MDGA2: variants seen among roughly 807,000 people sequenced by gnomAD.
The protein encoded by MDGA2 is MAM domain-containing glycosylphosphatidylinositol anchor protein 2.
In MDGA2, 40 loss-of-function variants were observed where a neutral mutation model predicts 117.8. That is an observed-to-expected ratio of 0.34 (90% CI 0.26 to 0.44). MDGA2 has a LOEUF of 0.44. MDGA2 is among the 20% of genes least tolerant of loss of function. The pLI, the probability that MDGA2 is intolerant of heterozygous loss-of-function variation, is 1.00. For missense variants in MDGA2, 1,123 were observed against 1,250.6 expected (o/e 0.90, Z 1.54); for synonymous variants, 452 against 439.0 (o/e 1.03, Z -0.37).
chr14:47,114,202 A>G (rs900627047), intron 5 of MDGA2, among the ~76,000 whole-genome samples: 11 of 152,166 alleles, frequency 7.2e-5, no homozygotes, highest in Admixed American at 7.2e-4. Context: ...ATACCAAAGG[A>G]ATACAGCTAA....
chr14:47,222,869 C>T (rs890834021), intron 2 of MDGA2, among the ~76,000 whole-genome samples: 2 of 152,070 alleles, frequency 1.3e-5, no homozygotes, highest in African/African-American at 2.4e-5. Flanking sequence ...ATCCAGAAGC[C>T]GATGAATAGA....
intron 1 of MDGA2, among the ~76,000 whole-genome samples, chr14:47,557,025 A>C (rs866886283): frequency 6.6e-6 from 1 of 152,222 alleles, no homozygotes; most frequent in South Asian, 2.1e-4. Flanking sequence ...CACTAGCCTC[A>C]GCAAGCTCCA....
intron 10 of MDGA2, among the ~76,000 whole-genome samples, chr14:46,898,458 G>A (rs904031231): frequency 2.0e-5 from 3 of 152,100 alleles, no homozygotes; most frequent in Non-Finnish European, 2.9e-5. Flanking sequence ...GTCTAATGGG[G>A]ATCACAAGAG....
At chr14:47,008,168 A>G (rs764769628) in intron 8 of MDGA2, among the ~76,000 whole-genome samples, 33 of 152,052 alleles carry the variant, frequency 2.2e-4, no homozygotes, top group Non-Finnish European at 4.3e-4. Flanking sequence ...CAGGGGACCT[A>G]TGTTTTAGAA....
intron 8 of MDGA2, among the ~76,000 whole-genome samples, chr14:47,024,230 T>C (rs2416012): frequency 0.36 from 54,494 of 152,098 alleles, 10,779 homozygotes; most frequent in East Asian, 0.6. Context: ...GAGCTTCAAG[T>C]GAGCACTTAA....
At chr14:47,466,024 T>C (rs1005028456) in intron 1 of MDGA2, among the ~76,000 whole-genome samples, 2 of 152,112 alleles carry the variant, frequency 1.3e-5, no homozygotes, top group Non-Finnish European at 2.9e-5. Context: ...TGTGGGAACA[T>C]GGATGGAGCT....
At chr14:47,168,848 T>C (rs574777304) in intron 3 of MDGA2, among the ~76,000 whole-genome samples, 1 of 152,214 alleles carries the variant, frequency 6.6e-6, no homozygotes, top group South Asian at 2.1e-4. Flanking sequence ...ACTAATTCAA[T>C]GATTTTTCTT....
intron 5 of MDGA2, among the ~76,000 whole-genome samples, chr14:47,113,109 G>C (rs1881134509): frequency 6.6e-6 from 1 of 151,976 alleles, no homozygotes; most frequent in African/African-American, 2.4e-5. Context: ...TTATAAATTT[G>C]CTTAAGTTCA....
intron 1 of MDGA2, among the ~76,000 whole-genome samples, chr14:47,574,123 G>C (rs1333616210): frequency 1.3e-5 from 2 of 152,122 alleles, no homozygotes; most frequent in Admixed American, 1.3e-4. Context: ...GTGGATCGTG[G>C]CTTTTTTTAC....
intron 2 of MDGA2, among the ~76,000 whole-genome samples, chr14:47,221,950 G>T (rs906125306): frequency 6.6e-6 from 1 of 151,436 alleles, no homozygotes; most frequent in African/African-American, 2.4e-5. Context: ...AATTTTTTTT[G>T]TGGTGAAACA....
intron 1 of MDGA2, among the ~76,000 whole-genome samples, chr14:47,588,245 T>TATATAC (rs1392502964): frequency 8.2e-5 from 7 of 85,440 alleles, no homozygotes; most frequent in African/African-American, 2.5e-4. Flanking sequence ...TAGATATATA[T>TATATAC]ATATATATAT....
intron 1 of MDGA2, among the ~76,000 whole-genome samples, chr14:47,627,337 G>A (rs1897165610): frequency 6.6e-6 from 1 of 151,872 alleles, no homozygotes; most frequent in South Asian, 2.1e-4. Flanking sequence ...CAAGGTTTGT[G>A]AATGCACCAA....
In MDGA2 at chr14:46,960,715, G is replaced by A. The variant is rs1292096297; in HGVS notation, c.1820-3072C>T. 3.4e-5 allele frequency among the ~76,000 whole-genome samples: 5 copies of A among 146,430 alleles called. No individual in the cohort carries two copies. The Admixed American group carries it at 3.5e-4, about 10-fold the overall frequency. On this transcript the variant is annotated intron_variant, in intron 8 of 16. Coordinates refer to ENST00000399232, the MANE Select transcript of MDGA2 (RefSeq NM_001113498.3). ...TGTATATATACACATATATGTACAT[G>A]AAATATAATTTTCATTTTATATGTA... is the stretch of plus-strand genomic sequence containing the variant.
intron 8 of MDGA2, among the ~76,000 whole-genome samples, chr14:47,020,702 C>G (rs1040427761): frequency 6.6e-6 from 1 of 152,132 alleles, no homozygotes; most frequent in African/African-American, 2.4e-5. Context: ...GGCACTGTCA[C>G]GTGACTTATT....
At chr14:47,155,589 C>A (rs560174447) in intron 3 of MDGA2, among the ~76,000 whole-genome samples, 4 of 152,206 alleles carry the variant, frequency 2.6e-5, no homozygotes, top group South Asian at 2.1e-4. Flanking sequence ...GAGTTGCCCA[C>A]CCCGCTACAG....
chr14:47,142,677 T>C (rs969095688), intron 4 of MDGA2, among the ~76,000 whole-genome samples: 4 of 152,160 alleles, frequency 2.6e-5, no homozygotes, highest in Non-Finnish European at 4.4e-5. Flanking sequence ...AAAAAAATCA[T>C]TTTAGTAACA....
At chr14:47,203,806 G>T (rs911407166) in intron 3 of MDGA2, among the ~76,000 whole-genome samples, 1 of 152,042 alleles carries the variant, frequency 6.6e-6, no homozygotes, top group Admixed American at 6.5e-5. Flanking sequence ...AATCACAAGA[G>T]ATTAGGATAT....
At chr14:47,144,699 A>G (rs1457543958) in intron 3 of MDGA2, among the ~76,000 whole-genome samples, 9 of 152,022 alleles carry the variant, frequency 5.9e-5, no homozygotes, top group Non-Finnish European at 1.5e-5. Context: ...ACCAGGCTGA[A>G]GTCCAGTGGC....
intron 1 of MDGA2, among the ~76,000 whole-genome samples, chr14:47,578,190 T>C (rs1400548553): frequency 6.6e-6 from 1 of 152,090 alleles, no homozygotes; most frequent in Non-Finnish European, 1.5e-5. Context: ...ACACTACATG[T>C]TCTCACTCGT....
Sources: gnomAD v4.1 joint callset for allele counts (sites outside exome capture counted in the v4.1 genomes callset) on GRCh38, gnomAD v4.1.1 for gene constraint, MANE v1.5 for transcripts, NCBI Gene and HGNC (gene_info 2026-07-23, HGNC 2026-07-21) for gene names.